The following PAFAH2 variants were observed in gnomAD, a reference collection of about 807,000 sequenced individuals.
PAFAH2 encodes platelet activating factor acetylhydrolase 2.
In PAFAH2, 42 loss-of-function variants were observed where a neutral mutation model predicts 49.0. The observed-to-expected ratio is 0.86, with a 90% CI of 0.67 to 1.11. The LOEUF is 1.11. Among genes scored for constraint, PAFAH2 ranks in the 50% least tolerant of loss-of-function variants. The probability of loss-of-function intolerance (pLI) is 0.00; values close to 1 mark genes in which losing one functional copy is unlikely to be tolerated. For synonymous variants in PAFAH2, 184 were observed against 181.3 expected (o/e 1.01, Z -0.12); for missense variants, 503 against 501.8 (o/e 1.00, Z -0.02).
intron 8 of PAFAH2, among the ~76,000 whole-genome samples, chr1:25,976,185 C>T (rs761853346): frequency 6.6e-6 from 1 of 152,116 alleles, no homozygotes; most frequent in Non-Finnish European, 1.5e-5. Flanking sequence ...GCTCTATTGC[C>T]CAGGCTGAAG....
chr1:25,962,978 AG>A (rs2049361637), intron 10 of PAFAH2, among the ~76,000 whole-genome samples: 1 of 152,188 alleles, frequency 6.6e-6, no homozygotes, highest in Non-Finnish European at 1.5e-5. Flanking sequence ...ATCATGGAGC[AG>A]CGAAACTCCA....
At chr1:25,984,669 T>C (rs2049753394) in intron 4 of PAFAH2, 141 bp from the exon 5 acceptor site, 1 of 635,256 alleles carries the variant, frequency 1.6e-6, no homozygotes, top group Non-Finnish European at 2.8e-6. Flanking sequence ...TTCCTTTCAC[T>C]TGAGAGAGAA....
At chr1:25,980,878 A>G (rs2049677270) in intron 7 of PAFAH2, among the ~76,000 whole-genome samples, 1 of 151,836 alleles carries the variant, frequency 6.6e-6, no homozygotes, top group Admixed American at 6.6e-5. Context: ...TTAGCTGGGC[A>G]TGGTGGCGCA....
chr1:25,977,718 A>G (rs929921291), intron 7 of PAFAH2, among the ~76,000 whole-genome samples: 1 of 150,690 alleles, frequency 6.6e-6, no homozygotes, highest in Non-Finnish European at 1.5e-5. Flanking sequence ...TTCCACACTG[A>G]CCCATCAGTT....
chr1:25,969,243 C>T (rs939189704), intron 10 of PAFAH2, among the ~76,000 whole-genome samples: 6 of 152,214 alleles, frequency 3.9e-5, no homozygotes, highest in African/African-American at 1.4e-4. Flanking sequence ...AAGACCCTCG[C>T]CCTTTCCTGC....
intron 10 of PAFAH2, among the ~76,000 whole-genome samples, chr1:25,971,642 A>G (rs1051733640): frequency 2.6e-5 from 4 of 152,190 alleles, no homozygotes; most frequent in Non-Finnish European, 5.9e-5. Context: ...CCTGATTTCT[A>G]TAACTGCACT....
rs377322795 is a variant in PAFAH2 at position 25,983,778 on chromosome 1, C to A, written c.552+168G>T. Reference sequence around the variant, plus strand: ...AGCCTAAGTTGGGGTTCTGTCACAGCAATTGCAAGAGTCCTGATTAATATC... The same window carrying A: ...AGCCTAAGTTGGGGTTCTGTCACAGAAATTGCAAGAGTCCTGATTAATATC... On this transcript the variant is annotated intron_variant, in intron 6 of 10. Coordinates refer to ENST00000374282, the MANE Select transcript of PAFAH2 (RefSeq NM_000437.4). Among the ~76,000 whole-genome samples the A allele has an allele frequency of 3.3e-5, 5 of 152,256 alleles. No individual in the cohort carries two copies. In the South Asian group the frequency reaches 1.0e-3, roughly 32 times the overall value.
chr1:25,977,405 C>T (rs1179896057), intron 7 of PAFAH2, among the ~76,000 whole-genome samples: 1 of 151,596 alleles, frequency 6.6e-6, no homozygotes, highest in East Asian at 2.0e-4. Flanking sequence ...AATCCCAACA[C>T]TCTGGGAAGC....
intron 1 of PAFAH2, among the ~76,000 whole-genome samples, chr1:25,991,779 G>A (rs567810101): frequency 6.6e-6 from 1 of 152,146 alleles, no homozygotes; most frequent in Admixed American, 6.5e-5. Flanking sequence ...TATAGTCCCA[G>A]CTACTCAGGA....
chr1:25,972,640 A>G lies in PAFAH2; in HGVS notation c.1002T>C (p.Thr334=), dbSNP rs773691359. Residue 334 remains threonine (T), a synonymous_variant, in exon 10 of 11, where the codon ACT becomes ACC. Coordinates refer to ENST00000374282, the MANE Select transcript of PAFAH2 (RefSeq NM_000437.4). ...TGNLIGKFFS[T]ETRGSLDPYE... is the part of the protein sequence containing the mutation. ...AGGGGTCCAGGCTCCCACGGGTTTC[A>G]GTGGAGAAGAATTTACCAATCAAGT... The G allele has an allele frequency of 6.2e-7, 1 of 1,613,878 alleles. No individual in the cohort carries two copies. The highest frequency in any genetic ancestry group is 1.1e-5 in the South Asian group (1 of 91,076).
intron 7 of PAFAH2, among the ~76,000 whole-genome samples, chr1:25,979,078 T>A (rs143513644): frequency 6.6e-6 from 1 of 152,358 alleles, no homozygotes; most frequent in Non-Finnish European, 1.5e-5. Context: ...CATATGCATT[T>A]GTACTGTTGA....
intron 9 of PAFAH2, among the ~76,000 whole-genome samples, chr1:25,973,913 A>G (rs1266065599): frequency 1.3e-5 from 2 of 152,210 alleles, no homozygotes; most frequent in Non-Finnish European, 2.9e-5. Flanking sequence ...CATTTCTTAA[A>G]GTCACTAAAA....
rs1477730774 is a variant in PAFAH2, at chr1:25,988,815, A to G, written c.245-488T>C. ...CAAGACTCCATCTCACCAAAAAAAA[A>G]AAAAAAAAAAAAAAAAAAGGAAAAG... On this transcript the variant is annotated intron_variant, in intron 3 of 10. Transcript: ENST00000374282. 2.7e-5 allele frequency among the ~76,000 whole-genome samples: 4 copies of G among 150,588 alleles called. No homozygotes were observed. In the East Asian group the frequency reaches 7.8e-4, roughly 29 times the overall value.
At chr1:25,962,576 G>C (rs1323882884) in intron 10 of PAFAH2, among the ~76,000 whole-genome samples, 1 of 152,024 alleles carries the variant, frequency 6.6e-6, no homozygotes, top group Non-Finnish European at 1.5e-5. Context: ...TAACCCTAGT[G>C]CTTTGGGAGG....
intron 1 of PAFAH2, among the ~76,000 whole-genome samples, chr1:25,996,649 A>G (rs2049941540): frequency 6.6e-6 from 1 of 152,236 alleles, no homozygotes; most frequent in Non-Finnish European, 1.5e-5. Context: ...CTCAAAAAAA[A>G]AGAAATAGTA....
intron 4 of PAFAH2, among the ~76,000 whole-genome samples, 156 bp downstream of exon 4, chr1:25,988,075 G>T (rs138034512): frequency 6.6e-6 from 1 of 152,228 alleles, no homozygotes; most frequent in Non-Finnish European, 1.5e-5. Flanking sequence ...AGGCCTTCTG[G>T]GGAAGGTGAA....
chr1:25,985,830 C>T (rs2049774068), intron 4 of PAFAH2, among the ~76,000 whole-genome samples: 2 of 152,226 alleles, frequency 1.3e-5, no homozygotes, highest in African/African-American at 4.8e-5. Flanking sequence ...GTTCCTGCTC[C>T]TCTAGCAGAT....
At chr1:25,963,315 A>G (rs1408715068) in intron 10 of PAFAH2, among the ~76,000 whole-genome samples, 1 of 152,216 alleles carries the variant, frequency 6.6e-6, no homozygotes, top group Non-Finnish European at 1.5e-5. Flanking sequence ...ATCCACAAAC[A>G]AAACAGATGG....
chr1:25,987,237 A>AAAAAAAAAT (rs2049795924), intron 4 of PAFAH2, among the ~76,000 whole-genome samples: 1 of 133,826 alleles, frequency 7.5e-6, no homozygotes. Context: ...CTGTCTCAGA[A>AAAAAAAAAT]AAAATAAAAT....
Sources: gnomAD v4.1 joint callset for allele counts (sites outside exome capture counted in the v4.1 genomes callset) on GRCh38, gnomAD v4.1.1 for gene constraint, MANE v1.5 for transcripts, NCBI Gene and HGNC (gene_info 2026-07-23, HGNC 2026-07-21) for gene names.